The following RIMS1 variants were observed in gnomAD, a reference collection of about 807,000 sequenced individuals.
The protein encoded by RIMS1 is regulating synaptic membrane exocytosis protein 1.
RIMS1 carries 83 observed loss-of-function variants against 214.1 expected under a neutral mutation model. The observed-to-expected ratio is 0.39, with a 90% CI of 0.32 to 0.47. RIMS1 has a LOEUF of 0.47. Among genes scored for constraint, RIMS1 ranks in the 20% least tolerant of loss-of-function variants. The pLI is 0.99. For missense variants in RIMS1, 2,050 were observed against 2,161.8 expected, an observed-to-expected ratio of 0.95 and a Z score of 1.03; for synonymous variants, 793 against 786.8, an observed-to-expected ratio of 1.01 and a Z score of -0.13.
chr6:71,902,835 T>C (rs138165169), intron 1 of RIMS1, among the ~76,000 whole-genome samples: 3,315 of 152,264 alleles, frequency 0.022, 117 homozygotes, highest in African/African-American at 0.074. Flanking sequence ...GCTCCATCCA[T>C]GTACCTGCAA....
At chr6:71,995,225 T>C (rs972232140) in intron 2 of RIMS1, among the ~76,000 whole-genome samples, 3 of 152,180 alleles carry the variant, frequency 2.0e-5, no homozygotes, top group Admixed American at 6.6e-5. Context: ...ATGTCTGAAA[T>C]GCACTGTTCA....
intron 2 of RIMS1, among the ~76,000 whole-genome samples, chr6:72,059,198 C>T (rs1827174521): frequency 6.6e-6 from 1 of 152,136 alleles, no homozygotes; most frequent in African/African-American, 2.4e-5. Context: ...ATTCATATAA[C>T]TATGACAGGT....
chr6:72,066,490 C>G (rs1469425596), intron 2 of RIMS1, among the ~76,000 whole-genome samples: 3 of 152,138 alleles, frequency 2.0e-5, no homozygotes. Context: ...CCTCGGCCAA[C>G]CCAAATATTA....
intron 28 of RIMS1, chr6:72,316,979 G>A (rs987919579): frequency 1.8e-6 from 1 of 569,888 alleles, no homozygotes; most frequent in Non-Finnish European, 3.4e-6. Context: ...AGGGTCGAGG[G>A]CCCAGTGGCT....
At chr6:72,141,113 C>G (rs1434554879) in intron 4 of RIMS1, among the ~76,000 whole-genome samples, 1 of 151,960 alleles carries the variant, frequency 6.6e-6, no homozygotes, top group Non-Finnish European at 1.5e-5. Flanking sequence ...TGCATATCTT[C>G]TAGGAGTAGA....
Position 72,251,075 on chromosome 6 carries a change from A to C in RIMS1, c.2527A>C (p.Ser843Arg). ...CCAACCAAGAGTGCAAGAAGAAGAA[A>C]GTGAATTTCTTGGAGAGGTGATGTA... Reference protein sequence around the residue: ...WDQPRVQEEESEFLGEILIEL... With the variant: ...WDQPRVQEEEREFLGEILIEL... Residue 843 changes from serine to arginine, a missense_variant, in exon 14 of 34, where the codon AGT (serine) becomes CGT (arginine). Ser to Arg is a moderately radical substitution (Grantham distance 110, BLOSUM62 -1). Transcript: ENST00000521978. The C allele has an allele frequency of 3.2e-6, 5 of 1,584,382 alleles. No homozygotes were observed. Among genetic ancestry groups the C allele is most frequent in the Non-Finnish European group, 4.3e-6 (5 of 1,164,144 alleles).
At chr6:72,231,835 A>G (rs141703900) in intron 6 of RIMS1, among the ~76,000 whole-genome samples, 3 of 151,764 alleles carry the variant, frequency 2.0e-5, no homozygotes, top group East Asian at 1.9e-4. Flanking sequence ...TATGTATCTC[A>G]TATGGTGGTT....
chr6:72,241,653 T>C (rs2066970491), intron 9 of RIMS1, among the ~76,000 whole-genome samples: 1 of 152,212 alleles, frequency 6.6e-6, no homozygotes, highest in Non-Finnish European at 1.5e-5. Flanking sequence ...AGATTATGTA[T>C]AGTACATATG....
At chr6:72,075,622 A>C (rs938613454) in intron 2 of RIMS1, among the ~76,000 whole-genome samples, 1 of 152,234 alleles carries the variant, frequency 6.6e-6, no homozygotes, top group Non-Finnish European at 1.5e-5. Flanking sequence ...AAGTTAAAAA[A>C]AATTATTTAA....
chr6:72,165,744 G>A lies in RIMS1; in HGVS notation c.472-13831G>A, dbSNP rs375698198. ...CCATGAATATACCTAGATCTAATGA[G>A]TAAGGAGAAAAAATGCTGCTAGTAG... On this transcript the variant is annotated intron_variant, in intron 4 of 33. Transcript: ENST00000521978. Among the ~76,000 whole-genome samples, 271 of 152,172 alleles carry A rather than the reference G, an allele frequency of 1.8e-3. 1 individual carries two copies. Among genetic ancestry groups the A allele is most frequent in the African/African-American group, 6.3e-3 (263 of 41,520 alleles).
At chr6:72,385,340 C>T (rs941477849) in intron 29 of RIMS1, among the ~76,000 whole-genome samples, 2 of 152,120 alleles carry the variant, frequency 1.3e-5, no homozygotes, top group African/African-American at 4.8e-5. Context: ...GTTATAATTA[C>T]AGTATATGTA....
chr6:71,897,659 ATTG>A (rs1772234669), intron 1 of RIMS1, among the ~76,000 whole-genome samples: 1 of 151,980 alleles, frequency 6.6e-6, no homozygotes, highest in Non-Finnish European at 1.5e-5. Flanking sequence ...ACCTCTTTTG[ATTG>A]TTTTATTTGA....
intron 6 of RIMS1, among the ~76,000 whole-genome samples, chr6:72,220,258 T>C (rs552157404): frequency 2.6e-5 from 4 of 152,266 alleles, no homozygotes; most frequent in African/African-American, 9.6e-5. Flanking sequence ...CTCATTCCTT[T>C]AGTCCCTTTA....
chr6:72,056,766 G>A (rs966410142), intron 2 of RIMS1, among the ~76,000 whole-genome samples: 1 of 152,154 alleles, frequency 6.6e-6, no homozygotes, highest in Middle Eastern at 3.4e-3. Context: ...AAAGGAAGTT[G>A]AAGTTGTTTA....
At chr6:72,311,247 GCA>G (rs2095496117) in intron 27 of RIMS1, among the ~76,000 whole-genome samples, 1 of 152,192 alleles carries the variant, frequency 6.6e-6, no homozygotes, top group Admixed American at 6.5e-5. Flanking sequence ...CTCTCTTTTA[GCA>G]CAGTGTTTCA....
chr6:72,274,327 G>A (rs374024367), intron 22 of RIMS1, 22 bp from the exon 23 acceptor site: 2 of 1,566,912 alleles, frequency 1.3e-6, no homozygotes, highest in East Asian at 2.2e-5. Flanking sequence ...GTTTTTTCCT[G>A]TCTTGTTCAC....
chr6:72,222,333 T>C (rs2058724280), intron 6 of RIMS1, among the ~76,000 whole-genome samples: 1 of 152,082 alleles, frequency 6.6e-6, no homozygotes, highest in African/African-American at 2.4e-5. Context: ...TAAGAATCTT[T>C]AAAAGACAAT....
Position 72,122,453 on chromosome 6 carries a change from G to A in RIMS1, c.471+22467G>A, listed in dbSNP as rs1272255212. Among the ~76,000 whole-genome samples, 6 of 151,456 alleles carry A rather than the reference G, an allele frequency of 4.0e-5. 1 individual carries two copies. The highest frequency in any genetic ancestry group is 4.2e-4 in the South Asian group (2 of 4,800). ...GATCTCCTGACCTCATGATCCACCCGCCTCGGCCTCCCAAAGTGCTGGGAT... is the reference window on the plus strand; with the variant it reads ...GATCTCCTGACCTCATGATCCACCCACCTCGGCCTCCCAAAGTGCTGGGAT... On this transcript the variant is annotated intron_variant, in intron 4 of 33. Transcript: ENST00000521978.
At chr6:72,356,383 A>G (rs16882332) in intron 29 of RIMS1, among the ~76,000 whole-genome samples, 3,044 of 152,268 alleles carry the variant, frequency 0.02, 84 homozygotes, top group African/African-American at 0.07. Context: ...GAAGTAGTGC[A>G]TATCTCCAGA....
Sources: allele counts gnomAD v4.1 joint callset (sites outside exome capture counted in the v4.1 genomes callset), GRCh38; gene constraint gnomAD v4.1.1; transcripts MANE v1.5; gene names NCBI Gene and HGNC (gene_info 2026-07-23, HGNC 2026-07-21).